Variants in CNTNAP2 observed in about 807,000 individuals in gnomAD.
CNTNAP2 encodes contactin associated protein 2, also known as contactin-associated protein-like 2.
Under a neutral mutation model 155.2 loss-of-function variants are expected in CNTNAP2, and 98 were observed. That is an observed-to-expected ratio of 0.63 (90% CI 0.54 to 0.75). CNTNAP2 has a LOEUF of 0.75. CNTNAP2 is among the 30% of genes least tolerant of loss of function. CNTNAP2 has a pLI of 0.00. For missense variants in CNTNAP2, 1,727 were observed against 1,688.1 expected (o/e 1.02, Z -0.40); for synonymous variants, 651 against 631.2 (o/e 1.03, Z -0.47).
chr7:148,329,813 C>A (rs1210968357), intron 21 of CNTNAP2, among the ~76,000 whole-genome samples: 1 of 152,196 alleles, frequency 6.6e-6, no homozygotes, highest in Non-Finnish European at 1.5e-5. Context: ...TCTGATTCAT[C>A]CTTCAAGTGA....
chr7:146,375,057 T>C (rs574293892), intron 1 of CNTNAP2, among the ~76,000 whole-genome samples: 39 of 152,344 alleles, frequency 2.6e-4, no homozygotes, highest in African/African-American at 8.4e-4. Context: ...CTTTGAAAGA[T>C]ACACTGGAAA....
chr7:146,890,435 A>C (rs1008238997), intron 3 of CNTNAP2, among the ~76,000 whole-genome samples: 4 of 152,198 alleles, frequency 2.6e-5, no homozygotes, highest in African/African-American at 4.8e-5. Context: ...CCAGCTTTTC[A>C]ACATAGACAT....
intron 11 of CNTNAP2, among the ~76,000 whole-genome samples, chr7:147,520,891 A>G (rs1344460701): frequency 6.6e-6 from 1 of 152,056 alleles, no homozygotes; most frequent in Non-Finnish European, 1.5e-5. Flanking sequence ...CACTTCATTT[A>G]CCCCTAGGTT....
intron 2 of CNTNAP2, among the ~76,000 whole-genome samples, chr7:146,780,344 C>G (rs572306058): frequency 1.4e-4 from 22 of 152,104 alleles, no homozygotes; most frequent in African/African-American, 5.1e-4. Flanking sequence ...CGCCACCATG[C>G]CTGGCTAATT....
intron 10 of CNTNAP2, among the ~76,000 whole-genome samples, chr7:147,469,506 ATTT>A (rs71527812): frequency 1.3e-5 from 1 of 79,104 alleles, no homozygotes; most frequent in Non-Finnish European, 2.4e-5. Flanking sequence ...TCAGGCTGCA[ATTT>A]TTTTTTTTTT....
At position 146,420,596 on chromosome 7, in the gene CNTNAP2, G is replaced by A. The variant is rs374702895; in HGVS notation, c.97+303623G>A. 9.9e-5 allele frequency among the ~76,000 whole-genome samples: 15 copies of A among 152,154 alleles called. No homozygotes were observed. In the East Asian group the frequency reaches 2.3e-3, roughly 24 times the overall value. On this transcript the variant is annotated intron_variant, in intron 1 of 23. Transcript: ENST00000361727. ...AAGAAGACAGTTAGATATGGTCTTT[G>A]TTGTCCACTGTCTCACCCCAAACTA...
At chr7:148,256,617 TTC>T in intron 20 of CNTNAP2, among the ~76,000 whole-genome samples, 1 of 152,258 alleles carries the variant, frequency 6.6e-6, no homozygotes, top group East Asian at 1.9e-4. Flanking sequence ...CCAGCCACTT[TTC>T]TCTTTTTGCC....
In CNTNAP2 at chr7:146,372,342, C is replaced by T. The variant is rs12703804; in HGVS notation, c.97+255369C>T. The stretch of plus-strand genomic sequence containing the variant: ...GTATTATAAATGGTTTTCAGAGTAG[C>T]AGATTTTCTAACACTTAAATGGACA... On this transcript the variant is annotated intron_variant, in intron 1 of 23. Transcript: ENST00000361727. Among the ~76,000 whole-genome samples the T allele has an allele frequency of 5.6e-3, 857 of 152,248 alleles. 6 individuals are homozygous for T. The highest frequency in any genetic ancestry group is 8.0e-3 in the Non-Finnish European group (543 of 68,012).
At chr7:148,370,826 G>A (rs956111152) in intron 21 of CNTNAP2, among the ~76,000 whole-genome samples, 8 of 152,174 alleles carry the variant, frequency 5.3e-5, no homozygotes, top group African/African-American at 1.4e-4. Flanking sequence ...CACAGAACAA[G>A]TCTCAGCCTT....
rs751868682 is a variant in CNTNAP2 at position 147,395,718 on chromosome 7, G to A, written c.1608G>A (p.Val536=). ...ATCAACTTGTAAATTTATACGAAGTGGCACAAAGGAAGCCGGGAAGTTTCG... is the reference window on the plus strand; with the variant it reads ...ATCAACTTGTAAATTTATACGAAGTAGCACAAAGGAAGCCGGGAAGTTTCG... ...VDDQLVNLYE[V]AQRKPGSFAN... The change falls in exon 10 of 24, where the codon GTG becomes GTA. Residue 536 remains valine (V), a synonymous_variant. Coordinates refer to ENST00000361727, the MANE Select transcript of CNTNAP2 (RefSeq NM_014141.6). 2 of 1,612,446 alleles carry A rather than the reference G, an allele frequency of 1.2e-6. No individual in the cohort carries two copies. Among genetic ancestry groups the A allele is most frequent in the Admixed American group, 1.7e-5 (1 of 59,874 alleles).
chr7:147,666,367 C>T (rs938467351), intron 13 of CNTNAP2, among the ~76,000 whole-genome samples: 4 of 152,132 alleles, frequency 2.6e-5, no homozygotes, highest in African/African-American at 7.2e-5. Context: ...TCCCAGCTGT[C>T]GTAGCTGTAG....
chr7:146,195,371 T>C (rs1798760643), intron 1 of CNTNAP2, among the ~76,000 whole-genome samples: 1 of 152,180 alleles, frequency 6.6e-6, no homozygotes, highest in Non-Finnish European at 1.5e-5. Flanking sequence ...AAGAGGAAAC[T>C]GCACCAGTAT....
chr7:148,313,310 G>A (rs535545718), intron 21 of CNTNAP2, among the ~76,000 whole-genome samples: 26 of 151,300 alleles, frequency 1.7e-4, no homozygotes, highest in East Asian at 7.8e-4. Flanking sequence ...ATCGGGCAGC[G>A]TCCGTCTTCA....
chr7:146,886,535 C>T (rs563428852), intron 3 of CNTNAP2, among the ~76,000 whole-genome samples: 11 of 151,714 alleles, frequency 7.3e-5, no homozygotes, highest in Non-Finnish European at 1.3e-4. Flanking sequence ...GCTATTGGGA[C>T]TGCCTGGACT....
intron 13 of CNTNAP2, 92 bp downstream of exon 13, chr7:147,639,398 A>G: frequency 8.3e-7 from 1 of 1,204,108 alleles, no homozygotes; most frequent in Non-Finnish European, 1.2e-6. Flanking sequence ...TCATTATCTT[A>G]TAGTCTAGTC....
chr7:147,460,819 A>G (rs1798009034), intron 10 of CNTNAP2, among the ~76,000 whole-genome samples: 1 of 152,208 alleles, frequency 6.6e-6, no homozygotes, highest in Non-Finnish European at 1.5e-5. Flanking sequence ...TGTCAGTGAC[A>G]TTGGATGTGC....
In CNTNAP2 at chr7:146,210,235, C is replaced by T. The variant is rs1799012228; in HGVS notation, c.97+93262C>T. Among the ~76,000 whole-genome samples, 3 of 152,138 alleles carry T rather than the reference C, an allele frequency of 2.0e-5. No homozygotes were observed. In the South Asian group the frequency reaches 6.2e-4, roughly 32 times the overall value. On this transcript the variant is annotated intron_variant, in intron 1 of 23. Transcript: ENST00000361727. ...CAGCCTTTGTTTGGTTACCTAAACTCTTTAAACCTCAGTGCTACCATATGT... is the reference window on the plus strand; with the variant it reads ...CAGCCTTTGTTTGGTTACCTAAACTTTTTAAACCTCAGTGCTACCATATGT...
chr7:146,271,207 A>T (rs1420500877), intron 1 of CNTNAP2, among the ~76,000 whole-genome samples: 5 of 152,068 alleles, frequency 3.3e-5, no homozygotes, highest in Non-Finnish European at 5.9e-5. Flanking sequence ...CATCAAGACC[A>T]AATTTATCAT....
intron 8 of CNTNAP2, among the ~76,000 whole-genome samples, chr7:147,194,094 C>A (rs1042148701): frequency 6.6e-6 from 1 of 151,858 alleles, no homozygotes; most frequent in African/African-American, 2.4e-5. Context: ...CCCCCACCCC[C>A]CAACAGGCCC....
Sources: allele counts gnomAD v4.1 joint callset (sites outside exome capture counted in the v4.1 genomes callset), GRCh38; gene constraint gnomAD v4.1.1; transcripts MANE v1.5; gene names NCBI Gene and HGNC (gene_info 2026-07-23, HGNC 2026-07-21).